The following FAM110B variants were observed in gnomAD, a reference collection of about 807,000 sequenced individuals.
FAM110B encodes the protein protein FAM110B.
In FAM110B, 6 loss-of-function variants were observed where a neutral mutation model predicts 20.4. That is an observed-to-expected ratio of 0.29 (90% confidence interval 0.16 to 0.58). FAM110B has a LOEUF of 0.58. Among genes scored for constraint, FAM110B ranks in the 20% least tolerant of loss-of-function variants. The probability of loss-of-function intolerance (pLI) is 0.90; values close to 1 mark genes in which losing one functional copy is unlikely to be tolerated. For synonymous variants in FAM110B, 226 were observed against 214.1 expected, an observed-to-expected ratio of 1.06 and a Z score of -0.49; for missense variants, 434 against 498.2, an observed-to-expected ratio of 0.87 and a Z score of 1.23.
chr8:58,052,112 T>C (rs1406608665), intron 2 of FAM110B, among the ~76,000 whole-genome samples: 4 of 152,158 alleles, frequency 2.6e-5, no homozygotes, highest in Non-Finnish European at 4.4e-5. Flanking sequence ...AATCAAAACA[T>C]GGGAATCATC....
intron 2 of FAM110B, among the ~76,000 whole-genome samples, chr8:58,051,350 G>A (rs1399311544): frequency 2.6e-5 from 4 of 152,196 alleles, no homozygotes; most frequent in Admixed American, 2.6e-4. Context: ...GATGGTAAGA[G>A]GGGAGAAGCC....
chr8:58,019,319 AGAGT>A lies in FAM110B; in HGVS notation c.-511-12283_-511-12280del, dbSNP rs1413938913. ...CACCACTGCACTCCAGCCTGGCGAC[AGAGT>A]GAGACTCTGTCTCAAAAAAAAAAAA... On this transcript the variant is annotated intron_variant, in intron 1 of 3. Transcript: ENST00000519262. 1.2e-4 allele frequency among the ~76,000 whole-genome samples: 16 copies of A among 131,934 alleles called. No homozygotes were observed. The South Asian group carries it at 4.3e-3, about 36-fold the overall frequency. The allele number at this position is 131,934 out of a possible 152,430, so 86.6% of individuals were successfully genotyped here.
chr8:58,138,364 C>G (rs1247188281), intron 3 of FAM110B, among the ~76,000 whole-genome samples: 1 of 152,196 alleles, frequency 6.6e-6, no homozygotes, highest in African/African-American at 2.4e-5. Context: ...CATGTGTGGG[C>G]CGAGCAAACC....
chr8:58,146,667 CCCACCGGTCGGAAG>C lies in FAM110B; in HGVS notation c.442_455del (p.Arg148Ter). ...AAGCACAGCTCCCGCAACTGGCCGC[CCCACCGGTCGGAAG>C]CCACTGACCTGCACCGTCACTCCTT... is the stretch of plus-strand genomic sequence containing the variant. On this transcript the variant is annotated frameshift_variant, in exon 4 of 4. Coordinates refer to ENST00000519262, the MANE Select transcript of FAM110B (RefSeq NM_001377989.1). LOFTEE classifies it high-confidence loss of function. 6.2e-7 allele frequency: 1 copy of C among 1,612,758 alleles called. No homozygotes were observed. Among genetic ancestry groups the C allele is most frequent in the Non-Finnish European group, 8.5e-7 (1 of 1,179,522 alleles).
intron 2 of FAM110B, among the ~76,000 whole-genome samples, chr8:58,044,010 C>G (rs996201439): frequency 2.0e-5 from 3 of 152,212 alleles, no homozygotes; most frequent in African/African-American, 7.2e-5. Flanking sequence ...TTTGGTTTGA[C>G]TATGTGAATA....
At chr8:58,115,021 T>C (rs75289022) in intron 3 of FAM110B, among the ~76,000 whole-genome samples, 3 of 151,002 alleles carry the variant, frequency 2.0e-5, no homozygotes, top group Admixed American at 6.6e-5. Context: ...TTTTTTTTTT[T>C]CTTAATTAGT....
intron 3 of FAM110B, among the ~76,000 whole-genome samples, 193 bp from the exon 4 acceptor site, chr8:58,145,714 C>T (rs1803846607): frequency 6.6e-6 from 1 of 152,236 alleles, no homozygotes; most frequent in Non-Finnish European, 1.5e-5. Context: ...GTTGTGCTGC[C>T]GCGCGTCGGC....
intron 2 of FAM110B, among the ~76,000 whole-genome samples, chr8:58,031,987 A>C (rs1804971614): frequency 6.6e-6 from 1 of 152,102 alleles, no homozygotes; most frequent in South Asian, 2.1e-4. Flanking sequence ...AGGAATGGGG[A>C]GATTGGCAAA....
At chr8:58,022,406 G>A (rs553267584) in intron 1 of FAM110B, among the ~76,000 whole-genome samples, 234 of 152,272 alleles carry the variant, frequency 1.5e-3, no homozygotes, top group African/African-American at 5.4e-3. Context: ...GGGGTACAGA[G>A]TTTCAGTTTT....
intron 3 of FAM110B, among the ~76,000 whole-genome samples, chr8:58,109,763 G>A (rs62513497): frequency 0.037 from 5,626 of 152,296 alleles, 155 homozygotes; most frequent in Admixed American, 0.06. Context: ...ACGAAAGGCT[G>A]TAGGGTGGCC....
intron 3 of FAM110B, among the ~76,000 whole-genome samples, chr8:58,095,222 G>A (rs555786854): frequency 2.0e-5 from 3 of 152,108 alleles, no homozygotes; most frequent in African/African-American, 7.2e-5. Flanking sequence ...TTTTGGAAGG[G>A]TTTTTCGTGC....
chr8:58,098,267 G>A (rs7003864), intron 3 of FAM110B, among the ~76,000 whole-genome samples: 7,450 of 152,328 alleles, frequency 0.049, 589 homozygotes, highest in African/African-American at 0.16. Flanking sequence ...TAGAGATGCA[G>A]TCTGGCTACA....
intron 3 of FAM110B, among the ~76,000 whole-genome samples, chr8:58,130,063 C>T (rs1803413749): frequency 6.6e-6 from 1 of 152,160 alleles, no homozygotes; most frequent in African/African-American, 2.4e-5. Flanking sequence ...TTGACATTCA[C>T]CTGCCTCCTC....
intron 3 of FAM110B, among the ~76,000 whole-genome samples, chr8:58,122,464 T>C (rs1807386687): frequency 1.3e-5 from 2 of 152,204 alleles, no homozygotes; most frequent in Admixed American, 1.3e-4. Context: ...TCTGCTGGGA[T>C]GGATCCTCTA....
chr8:58,146,934 C>T lies in FAM110B; in HGVS notation c.704C>T (p.Ser235Phe). ...PPKPKIAAIA[S>F]MKSPEADPVE... ...AAGCCCAAAATCGCAGCCATCGCCT[C>T]CATGAAGTCCCCCGAGGCCGACCCT... The change falls in exon 4 of 4, where the codon TCC becomes TTC. Residue 235 changes from serine (S) to phenylalanine (F), a missense_variant. By Grantham distance (155) the Ser-to-Phe change is radical. Around this residue, in one of 3 missense-constraint regions of FAM110B, gnomAD observed 284 missense variants for 278.3 expected, o/e 1.02. Coordinates refer to ENST00000519262, the MANE Select transcript of FAM110B (RefSeq NM_001377989.1). 1.2e-6 allele frequency: 2 copies of T among 1,614,228 alleles called. No individual in the cohort carries two copies. The highest frequency in any genetic ancestry group is 2.2e-5 in the South Asian group (2 of 91,084).
intron 2 of FAM110B, among the ~76,000 whole-genome samples, chr8:58,070,947 T>C (rs1339407595): frequency 6.6e-6 from 1 of 152,196 alleles, no homozygotes; most frequent in East Asian, 1.9e-4. Flanking sequence ...GGTTAACATA[T>C]CCCATTCTGC....
chr8:57,995,257 G>T (rs1804160663), intron 1 of FAM110B, among the ~76,000 whole-genome samples: 1 of 152,142 alleles, frequency 6.6e-6, no homozygotes, highest in African/African-American at 2.4e-5. Context: ...ACTCCGCTCG[G>T]CCACCGCTCC....
At chr8:58,067,989 T>G (rs1428351929) in intron 2 of FAM110B, among the ~76,000 whole-genome samples, 1 of 152,220 alleles carries the variant, frequency 6.6e-6, no homozygotes, top group Non-Finnish European at 1.5e-5. Context: ...CTTTCTTCTT[T>G]TAGAAAGTGT....
chr8:58,039,333 C>A (rs1211555837), intron 2 of FAM110B, among the ~76,000 whole-genome samples: 1 of 152,194 alleles, frequency 6.6e-6, no homozygotes, highest in Non-Finnish European at 1.5e-5. Flanking sequence ...TGTGTCCAGT[C>A]CCTGTTTGTC....
Sources: allele counts gnomAD v4.1 joint callset (sites outside exome capture counted in the v4.1 genomes callset), GRCh38; gene constraint gnomAD v4.1.1; regional missense constraint gnomAD v4.1.1; transcripts MANE v1.5; gene names NCBI Gene and HGNC (gene_info 2026-07-23, HGNC 2026-07-21).